SVIL: variants seen among roughly 807,000 people sequenced by gnomAD.
SVIL encodes supervillin, also known as archvillin.
A neutral mutation model predicts 240.4 loss-of-function variants in SVIL; 101 were observed. That is an observed-to-expected ratio of 0.42 (90% CI 0.36 to 0.50). The LOEUF (loss-of-function observed/expected upper bound fraction) is 0.50. Ranked by LOEUF, SVIL falls within the 20% of genes least tolerant of loss-of-function variation. The probability of loss-of-function intolerance (pLI) is 0.01; values close to 1 mark genes in which losing one functional copy is unlikely to be tolerated. For synonymous variants in SVIL, 999 were observed against 1,100.0 expected, an observed-to-expected ratio of 0.91 and a Z score of 1.82; for missense variants, 2,512 against 2,818.7, an observed-to-expected ratio of 0.89 and a Z score of 2.46.
At position 29,619,847 on chromosome 10, in the gene SVIL, T is replaced by C. The variant is rs1213092299; in HGVS notation, c.-201+14573A>G. 1.2e-4 allele frequency among the ~76,000 whole-genome samples: 18 copies of C among 152,234 alleles called. No homozygotes were observed. In the East Asian group the frequency reaches 3.3e-3, roughly 28 times the overall value. On this transcript the variant is annotated intron_variant, in intron 1 of 37. Transcript: ENST00000355867. The stretch of plus-strand genomic sequence containing the variant: ...TTAAAAAATATTATGACAAACTACA[T>C]TTTTAAAAAGATTATTGCAAACTAC...
chr10:29,646,045 A>G (rs764878729), intron 3 of SVIL, among the ~76,000 whole-genome samples: 1 of 152,242 alleles, frequency 6.6e-6, no homozygotes, highest in Non-Finnish European at 1.5e-5. Context: ...GTGTGAGGAC[A>G]GAGACTTTTG....
At chr10:29,717,032 A>G (rs1037214348) in intron 1 of SVIL, among the ~76,000 whole-genome samples, 1 of 152,172 alleles carries the variant, frequency 6.6e-6, no homozygotes, top group African/African-American at 2.4e-5. Flanking sequence ...GATCGAGACC[A>G]TCCTGGCTAA....
At chr10:29,573,101 T>C (rs192943699) in intron 1 of SVIL, among the ~76,000 whole-genome samples, 2 of 152,324 alleles carry the variant, frequency 1.3e-5, no homozygotes, top group East Asian at 3.9e-4. Flanking sequence ...TGTGCAGGTT[T>C]GTTACATGGG....
At chr10:29,593,559 A>G (rs1956471255) in intron 1 of SVIL, among the ~76,000 whole-genome samples, 1 of 152,214 alleles carries the variant, frequency 6.6e-6, no homozygotes, top group South Asian at 2.1e-4. Flanking sequence ...CAAAACCCAG[A>G]TACATCAAAT....
intron 2 of SVIL, among the ~76,000 whole-genome samples, chr10:29,658,460 T>C (rs1262018597): frequency 6.6e-6 from 1 of 152,160 alleles, no homozygotes; most frequent in African/African-American, 2.4e-5. Context: ...TAAAATCAGA[T>C]CCAAATATAG....
intron 18 of SVIL, among the ~76,000 whole-genome samples, chr10:29,498,530 A>C (rs1588993410): frequency 6.6e-6 from 1 of 152,248 alleles, no homozygotes; most frequent in African/African-American, 2.4e-5. Flanking sequence ...AAATAGTGAC[A>C]AATGGAATTA....
chr10:29,529,639 T>G, intron 12 of SVIL, 66 bp downstream of exon 12: 1 of 1,502,402 alleles, frequency 6.7e-7, no homozygotes, highest in Non-Finnish European at 8.9e-7. Context: ...CATTGAACAC[T>G]CTTTAAATGT....
intron 6 of SVIL, among the ~76,000 whole-genome samples, chr10:29,541,990 T>C (rs1486566838): frequency 6.6e-6 from 1 of 152,216 alleles, no homozygotes; most frequent in Non-Finnish European, 1.5e-5. Context: ...TGCGTTCCAC[T>C]GATTGGTGTC....
Position 29,499,186 on chromosome 10 carries a change from C to G in SVIL, c.3594G>C (p.Trp1198Cys), listed in dbSNP as rs758803215. ...TGGCCGCTCCTCTGCCTCTCGTCTT[C>G]CAGGCCTCCTCTCTCACAGTGATGA... Reference protein sequence around the residue: ...KQLITVREEAWKTRGRGAAND... With the variant: ...KQLITVREEACKTRGRGAAND... The change falls in exon 18 of 38, where the codon TGG becomes TGC. Residue 1198 changes from tryptophan (W) to cysteine (C), a missense_variant. Transcript: ENST00000355867. 3 of 1,614,188 alleles carry G rather than the reference C, an allele frequency of 1.9e-6. No individual in the cohort carries two copies. The East Asian group carries it at 6.7e-5, about 36-fold the overall frequency.
chr10:29,580,675 G>T (rs187111524), intron 1 of SVIL, among the ~76,000 whole-genome samples: 50 of 152,294 alleles, frequency 3.3e-4, no homozygotes, highest in African/African-American at 9.6e-4. Flanking sequence ...ATGTATGTAT[G>T]TATTTATTTG....
At chr10:29,701,233 T>C (rs942941247) in intron 1 of SVIL, among the ~76,000 whole-genome samples, 13 of 152,154 alleles carry the variant, frequency 8.5e-5, no homozygotes, top group African/African-American at 3.1e-4. Flanking sequence ...AGACCTGATT[T>C]AGTAGCACTA....
chr10:29,589,972 C>G (rs1053873333), intron 1 of SVIL, among the ~76,000 whole-genome samples: 23 of 151,748 alleles, frequency 1.5e-4, no homozygotes, highest in Admixed American at 1.4e-3. Flanking sequence ...TGAAGACCAG[C>G]CTGGCCAAGA....
At position 29,488,728 on chromosome 10, in the gene SVIL, G is replaced by A; in HGVS notation, c.4221C>T (p.Val1407=). The A allele has an allele frequency of 6.2e-7, 1 of 1,612,776 alleles. No homozygotes were observed. Among genetic ancestry groups the A allele is most frequent in the Non-Finnish European group, 8.5e-7 (1 of 1,179,570 alleles). Residue 1407 remains valine, a synonymous_variant, in exon 23 of 38, where the codon GTC becomes GTT. Transcript: ENST00000355867. The part of the protein sequence containing the change: ...KMSSNSNFSE[V]TLAGLASKEN... ...CTTTACTGGCTAAACCCGCCAGGGT[G>A]ACTTCTGAGAAGTTGGAGTTGGAAG...
At chr10:29,462,489 G>A in intron 35 of SVIL, 88 bp from the exon 36 acceptor site, 2 of 1,531,964 alleles carry the variant, frequency 1.3e-6, no homozygotes, top group Middle Eastern at 1.8e-4. Flanking sequence ...TTCTTTGCCA[G>A]AACTCATGAC....
chr10:29,625,914 C>A (rs1957847294), intron 1 of SVIL, among the ~76,000 whole-genome samples: 5 of 152,102 alleles, frequency 3.3e-5, no homozygotes, highest in East Asian at 1.9e-4. Context: ...TTTTTGGGGT[C>A]TTTTTTCAGC....
chr10:29,693,543 A>G (rs1340244452), intron 1 of SVIL, among the ~76,000 whole-genome samples: 1 of 152,174 alleles, frequency 6.6e-6, no homozygotes, highest in Non-Finnish European at 1.5e-5. Context: ...ATGGGAGAGA[A>G]TAGATGCCTG....
intron 1 of SVIL, among the ~76,000 whole-genome samples, chr10:29,719,920 AT>A (rs933168123): frequency 6.6e-6 from 1 of 152,228 alleles, no homozygotes; most frequent in African/African-American, 2.4e-5. Flanking sequence ...TGGCTGAAAA[AT>A]TATGCCAAAC....
intron 2 of SVIL, among the ~76,000 whole-genome samples, chr10:29,662,562 C>T (rs1959171165): frequency 6.6e-6 from 1 of 152,132 alleles, no homozygotes; most frequent in Non-Finnish European, 1.5e-5. Flanking sequence ...GGAGTAGTTC[C>T]AGGCATCCAT....
At chr10:29,509,333 GA>G (rs1564540941) in intron 17 of SVIL, among the ~76,000 whole-genome samples, 927 of 42,444 alleles carry the variant, frequency 0.022, 16 homozygotes, top group African/African-American at 0.07. Flanking sequence ...GGGGGAGGGA[GA>G]GAGAGAGAGA....
Sources: gnomAD v4.1 joint callset for allele counts (sites outside exome capture counted in the v4.1 genomes callset) on GRCh38, gnomAD v4.1.1 for gene constraint, MANE v1.5 for transcripts, NCBI Gene and HGNC (gene_info 2026-07-23, HGNC 2026-07-21) for gene names.